SLC39A10: variants seen among roughly 807,000 people sequenced by gnomAD.
SLC39A10 encodes zinc transporter ZIP10.
SLC39A10 carries 13 observed loss-of-function variants against 65.1 expected under a neutral mutation model. The observed-to-expected ratio is 0.20, with a 90% CI of 0.13 to 0.32. The LOEUF (loss-of-function observed/expected upper bound fraction) is 0.32, where lower values mean the gene tolerates loss of function less well. Among genes scored for constraint, SLC39A10 ranks in the 10% least tolerant of loss-of-function variants. The probability of loss-of-function intolerance (pLI) is 1.00; values close to 1 mark genes in which losing one functional copy is unlikely to be tolerated. For missense variants in SLC39A10, 831 were observed against 1,018.4 expected (o/e 0.82, Z 2.50); for synonymous variants, 321 against 342.2 (o/e 0.94, Z 0.68).
intron 2 of SLC39A10, among the ~76,000 whole-genome samples, chr2:195,616,935 T>C (rs541040151): frequency 1.7e-4 from 26 of 152,302 alleles, no homozygotes; most frequent in African/African-American, 6.3e-4. Context: ...CCATTGATGT[T>C]TTCCTTCTGT....
At chr2:195,673,525 T>G (rs1227898977) in intron 1 of SLC39A10, among the ~76,000 whole-genome samples, 4 of 152,208 alleles carry the variant, frequency 2.6e-5, no homozygotes, top group Non-Finnish European at 5.9e-5. Context: ...CTCTCAAATG[T>G]TGTCTAGCTT....
intron 8 of SLC39A10, among the ~76,000 whole-genome samples, chr2:195,723,819 T>C (rs1239540564): frequency 6.6e-6 from 1 of 152,086 alleles, no homozygotes; most frequent in Non-Finnish European, 1.5e-5. Flanking sequence ...TATTGTGTAG[T>C]ATACCAGGGT....
chr2:195,694,163 G>A (rs1314490431), intron 3 of SLC39A10, among the ~76,000 whole-genome samples: 1 of 152,132 alleles, frequency 6.6e-6, no homozygotes, highest in Non-Finnish European at 1.5e-5. Flanking sequence ...GTCTGAGACA[G>A]TACTTGATAC....
chr2:195,667,875 T>C (rs1689695744), intron 1 of SLC39A10, among the ~76,000 whole-genome samples: 1 of 152,192 alleles, frequency 6.6e-6, no homozygotes, highest in Admixed American at 6.5e-5. Context: ...TTAAATAACA[T>C]TTAAATATTG....
upstream of SLC39A10, among the ~76,000 whole-genome samples, chr2:195,655,118 A>G (rs976757156): frequency 1.7e-4 from 26 of 152,220 alleles, no homozygotes; most frequent in African/African-American, 6.3e-4. Flanking sequence ...GGAGTGACTA[A>G]TAAGAGCTGG....
At chr2:195,650,878 C>A (rs1432586608) in intron 2 of SLC39A10, among the ~76,000 whole-genome samples, 2 of 151,014 alleles carry the variant, frequency 1.3e-5, no homozygotes, top group Non-Finnish European at 2.9e-5. Flanking sequence ...AAGAGGATGG[C>A]CTTCCCAGAT....
At chr2:195,678,430 A>G (rs1254342613) in intron 1 of SLC39A10, among the ~76,000 whole-genome samples, 1 of 152,132 alleles carries the variant, frequency 6.6e-6, no homozygotes, top group Non-Finnish European at 1.5e-5. Context: ...GTGCTTGTTC[A>G]AGTTACCTAC....
chr2:195,673,538 A>G (rs1385349899), intron 1 of SLC39A10, among the ~76,000 whole-genome samples: 1 of 152,240 alleles, frequency 6.6e-6, no homozygotes, highest in Non-Finnish European at 1.5e-5. Flanking sequence ...TCTAGCTTGC[A>G]TCAAACTCAC....
intron 5 of SLC39A10, among the ~76,000 whole-genome samples, chr2:195,710,548 T>TGG (rs1691568685): frequency 6.6e-6 from 1 of 152,252 alleles, no homozygotes; most frequent in Non-Finnish European, 1.5e-5. Flanking sequence ...GGAGTGATTC[T>TGG]GGTTTACATA....
chr2:195,640,737 A>C (rs1305781848), intron 2 of SLC39A10, among the ~76,000 whole-genome samples: 1 of 152,186 alleles, frequency 6.6e-6, no homozygotes, highest in Non-Finnish European at 1.5e-5. Flanking sequence ...GCAATTTTAA[A>C]ATATTTAGAA....
chr2:195,636,341 G>T (rs1201318220), intron 2 of SLC39A10, among the ~76,000 whole-genome samples: 4 of 151,974 alleles, frequency 2.6e-5, no homozygotes, highest in Non-Finnish European at 5.9e-5. Flanking sequence ...ATATGTAATT[G>T]GTTTATTTCC....
rs549482585 is a variant in SLC39A10 at position 195,679,629 on chromosome 2, A to G, written c.-11-403A>G. 5.3e-5 allele frequency among the ~76,000 whole-genome samples: 8 copies of G among 152,266 alleles called. No individual in the cohort carries two copies. The East Asian group carries it at 9.7e-4, about 18-fold the overall frequency. ...TATTTCTCTCAGTAATTTTCTGTCAATAATATTTCTCTCAATAATTTCTCT... is the reference window on the plus strand; with the variant it reads ...TATTTCTCTCAGTAATTTTCTGTCAGTAATATTTCTCTCAATAATTTCTCT... On this transcript the variant is annotated intron_variant, in intron 1 of 9. Transcript: ENST00000359634.
intron 4 of SLC39A10, 82 bp downstream of exon 4, chr2:195,706,867 A>C (rs1691418247): frequency 1.1e-6 from 1 of 936,554 alleles, no homozygotes; most frequent in Admixed American, 3.7e-5. Flanking sequence ...AAGCTATAGC[A>C]CAGTAATCTA....
In SLC39A10 at chr2:195,683,762, G is replaced by T; in HGVS notation, c.1072G>T (p.Asp358Tyr). ...TGGTGCCAACTCTCCCATCTCAACT[G>T]ATTTATTTACATACCTTTGCCCTGC... ...GHGANSPIST[D>Y]LFTYLCPALL... The change falls in exon 3 of 10, where the codon GAT (aspartate) becomes TAT (tyrosine). Residue 358 changes from aspartate to tyrosine, a missense_variant. Physicochemically the swap from Asp to Tyr is radical, Grantham distance 160. Transcript: ENST00000359634. The T allele has an allele frequency of 6.2e-7, 1 of 1,613,374 alleles. No individual in the cohort carries two copies. The highest frequency in any genetic ancestry group is 8.5e-7 in the Non-Finnish European group (1 of 1,179,534).
upstream of SLC39A10, among the ~76,000 whole-genome samples, chr2:195,655,712 C>T (rs575693149): frequency 1.0e-3 from 152 of 152,310 alleles, 1 homozygote; most frequent in East Asian, 5.8e-4. Context: ...TTCTCCACAC[C>T]TCAGGACTTC....
intron 2 of SLC39A10, among the ~76,000 whole-genome samples, chr2:195,631,033 A>G (rs1007948779): frequency 2.0e-5 from 3 of 152,112 alleles, no homozygotes; most frequent in African/African-American, 7.2e-5. Context: ...TACTAAAAAT[A>G]CAAAAATTAG....
chr2:195,707,604 T>A (rs74444532), intron 4 of SLC39A10, among the ~76,000 whole-genome samples: 13 of 147,534 alleles, frequency 8.8e-5, no homozygotes, highest in Non-Finnish European at 2.0e-4. Flanking sequence ...TTTTTTTTTT[T>A]AATAAACAGG....
chr2:195,647,185 A>AT (rs1688939972), intron 2 of SLC39A10, among the ~76,000 whole-genome samples: 1 of 152,128 alleles, frequency 6.6e-6, no homozygotes, highest in Non-Finnish European at 1.5e-5. Context: ...TGTAATCTAC[A>AT]TGTTCATAGG....
At chr2:195,716,466 T>C (rs1157742079) in intron 6 of SLC39A10, among the ~76,000 whole-genome samples, 171 bp from the exon 7 acceptor site, 2 of 152,178 alleles carry the variant, frequency 1.3e-5, no homozygotes, top group Non-Finnish European at 2.9e-5. Context: ...TTAATTTAAC[T>C]CCAGAAATCA....
Sources: gnomAD v4.1 joint callset for allele counts (sites outside exome capture counted in the v4.1 genomes callset) on GRCh38, gnomAD v4.1.1 for gene constraint, MANE v1.5 for transcripts, NCBI Gene and HGNC (gene_info 2026-07-23, HGNC 2026-07-21) for gene names.